KCNH7: variants seen among roughly 807,000 people sequenced by gnomAD.
KCNH7 encodes the protein potassium voltage-gated channel subfamily H member 7, also known as voltage-gated inwardly rectifying potassium channel KCNH7.
In KCNH7, 49 loss-of-function variants were observed where a neutral mutation model predicts 120.8. The observed-to-expected ratio is 0.41, with a 90% CI of 0.32 to 0.51. KCNH7 has a LOEUF of 0.51. Ranked by LOEUF, KCNH7 falls within the 20% of genes least tolerant of loss-of-function variation. The pLI, the probability that KCNH7 is intolerant of heterozygous loss-of-function variation, is 0.38. For missense variants in KCNH7, 1,097 were observed against 1,446.6 expected (o/e 0.76, Z 3.92); for synonymous variants, 547 against 516.1 (o/e 1.06, Z -0.81).
chr2:162,409,559 A>C (rs1466855734), intron 9 of KCNH7, among the ~76,000 whole-genome samples: 1 of 151,950 alleles, frequency 6.6e-6, no homozygotes, highest in Non-Finnish European at 1.5e-5. Context: ...ACAATGTATC[A>C]AAAAATCTAT....
rs1387893515 is a variant in KCNH7, at chr2:162,788,416, G to T, written c.307+48121C>A. Among the ~76,000 whole-genome samples the T allele has an allele frequency of 2.0e-5, 3 of 152,000 alleles. 1 individual carries two copies. Among genetic ancestry groups the T allele is most frequent in the African/African-American group, 7.2e-5 (3 of 41,414 alleles). On this transcript the variant is annotated intron_variant, in intron 2 of 15. Transcript: ENST00000332142. The stretch of plus-strand genomic sequence containing the variant: ...AAATTAAAAGTTCAACAAAGAGACA[G>T]GAACCATATAAAAGAACCAATCAAA...
intron 9 of KCNH7, among the ~76,000 whole-genome samples, chr2:162,408,940 C>T (rs1043533016): frequency 6.6e-6 from 1 of 151,664 alleles, no homozygotes; most frequent in Non-Finnish European, 1.5e-5. Context: ...CATTTTAATA[C>T]CTGTAGAACC....
intron 2 of KCNH7, among the ~76,000 whole-genome samples, chr2:162,640,196 A>G (rs1684100363): frequency 6.6e-6 from 1 of 152,196 alleles, no homozygotes; most frequent in Admixed American, 6.5e-5. Context: ...CATAGACAAT[A>G]TTGCATGAAT....
intron 2 of KCNH7, among the ~76,000 whole-genome samples, chr2:162,775,033 C>A (rs1166215232): frequency 6.6e-6 from 1 of 151,892 alleles, no homozygotes; most frequent in African/African-American, 2.4e-5. Context: ...TTTATGTGAC[C>A]CTTGAAATAA....
chr2:162,438,612 T>C (rs962714827), intron 7 of KCNH7, among the ~76,000 whole-genome samples: 1 of 152,162 alleles, frequency 6.6e-6, no homozygotes, highest in Admixed American at 6.6e-5. Context: ...GAGTGAATAT[T>C]GACTTCAACA....
At chr2:162,657,167 A>G (rs1403908769) in intron 2 of KCNH7, among the ~76,000 whole-genome samples, 4 of 152,214 alleles carry the variant, frequency 2.6e-5, no homozygotes, top group Non-Finnish European at 4.4e-5. Flanking sequence ...ATCATCATCC[A>G]AAGTCCATAG....
At chr2:162,515,038 T>C (rs1278993273) in intron 4 of KCNH7, among the ~76,000 whole-genome samples, 1 of 151,782 alleles carries the variant, frequency 6.6e-6, no homozygotes, top group Admixed American at 6.6e-5. Context: ...AATGGCTCTA[T>C]TTCTAAAATA....
chr2:162,390,718 TA>T (rs1686719614), intron 12 of KCNH7, among the ~76,000 whole-genome samples: 1 of 151,980 alleles, frequency 6.6e-6, no homozygotes, highest in African/African-American at 2.4e-5. Context: ...TACTTGAAGA[TA>T]CCTTTAAAAA....
chr2:162,505,204 C>T (rs533323435), intron 5 of KCNH7, among the ~76,000 whole-genome samples: 31 of 151,912 alleles, frequency 2.0e-4, no homozygotes, highest in South Asian at 1.2e-3. Flanking sequence ...AGAGTTAAAC[C>T]CAGATGAAGG....
chr2:162,423,812 A>G (rs746847266), intron 8 of KCNH7, among the ~76,000 whole-genome samples: 3 of 152,204 alleles, frequency 2.0e-5, no homozygotes, highest in Non-Finnish European at 4.4e-5. Context: ...AGCACTGACT[A>G]GGGAGAAAAT....
At chr2:162,548,373 G>T (rs17786007) in intron 2 of KCNH7, among the ~76,000 whole-genome samples, 6,845 of 152,266 alleles carry the variant, frequency 0.045, 228 homozygotes, top group Non-Finnish European at 0.069. Flanking sequence ...CTTGCCCCAG[G>T]TGTGTTCTTC....
chr2:162,447,820 G>C (rs1688634910), intron 6 of KCNH7, among the ~76,000 whole-genome samples: 1 of 151,942 alleles, frequency 6.6e-6, no homozygotes, highest in Non-Finnish European at 1.5e-5. Context: ...ACCATCCCTA[G>C]TTTTAAAAGG....
chr2:162,542,016 AT>A (rs1692322007), intron 2 of KCNH7, among the ~76,000 whole-genome samples: 1 of 152,014 alleles, frequency 6.6e-6, no homozygotes, highest in Admixed American at 6.6e-5. Context: ...ATGAAATTGT[AT>A]TTTGGTGTCC....
chr2:162,490,100 A>T (rs368762992), intron 6 of KCNH7, among the ~76,000 whole-genome samples: 39 of 152,360 alleles, frequency 2.6e-4, no homozygotes, highest in African/African-American at 8.4e-4. Context: ...TTAGGCAGAC[A>T]GTAAGGGGAG....
chr2:162,523,588 G>T, intron 3 of KCNH7, among the ~76,000 whole-genome samples: 1 of 150,684 alleles, frequency 6.6e-6, no homozygotes, highest in Admixed American at 6.6e-5. Flanking sequence ...TGTGTGAATT[G>T]ATTCTCATCT....
intron 4 of KCNH7, among the ~76,000 whole-genome samples, chr2:162,513,463 CTCCCTCCT>C (rs1558987740): frequency 1.1e-4 from 5 of 44,854 alleles, no homozygotes; most frequent in African/African-American, 2.3e-4. Context: ...CTCTCCTTCC[CTCCCTCCT>C]TCCTTCCTTC....
chr2:162,831,211 A>C, intron 2 of KCNH7, among the ~76,000 whole-genome samples: 1 of 152,276 alleles, frequency 6.6e-6, no homozygotes, highest in South Asian at 2.1e-4. Context: ...ATATTTTATG[A>C]GATGGTTGTA....
At chr2:162,715,208 G>A (rs1461707584) in intron 2 of KCNH7, among the ~76,000 whole-genome samples, 2 of 152,168 alleles carry the variant, frequency 1.3e-5, no homozygotes, top group Non-Finnish European at 2.9e-5. Flanking sequence ...TTCTGGGGAA[G>A]CCTCAGGGAG....
chr2:162,455,234 T>C (rs1257258791), intron 6 of KCNH7, among the ~76,000 whole-genome samples: 1 of 152,120 alleles, frequency 6.6e-6, no homozygotes, highest in African/African-American at 2.4e-5. Context: ...TGATGGCTTA[T>C]GTTTATTGAT....
Sources: allele counts gnomAD v4.1 joint callset (sites outside exome capture counted in the v4.1 genomes callset), GRCh38; gene constraint gnomAD v4.1.1; transcripts MANE v1.5; gene names NCBI Gene and HGNC (gene_info 2026-07-23, HGNC 2026-07-21).